Variants in TAFA1 observed in about 807,000 individuals in gnomAD.
TAFA1 encodes the protein chemokine-like protein TAFA-1.
TAFA1 carries 4 observed loss-of-function variants against 18.5 expected under a neutral mutation model. The ratio of observed to expected loss-of-function variants is 0.22; its 90% CI spans 0.11 to 0.49. The LOEUF (loss-of-function observed/expected upper bound fraction) is 0.49. Ranked by LOEUF, TAFA1 falls within the 20% of genes least tolerant of loss-of-function variation. The pLI is 0.98. For synonymous variants in TAFA1, 56 were observed against 55.2 expected (o/e 1.01, Z -0.06); for missense variants, 147 against 169.0 (o/e 0.87, Z 0.72).
At chr3:68,142,532 C>T (rs1007347589) in intron 2 of TAFA1, among the ~76,000 whole-genome samples, 1 of 152,228 alleles carries the variant, frequency 6.6e-6, no homozygotes, top group Non-Finnish European at 1.5e-5. Flanking sequence ...GGAAGCCTTT[C>T]TCCAGGTCTC....
chr3:68,312,344 A>G (rs1297444886), intron 2 of TAFA1, among the ~76,000 whole-genome samples: 3 of 152,212 alleles, frequency 2.0e-5, no homozygotes, highest in Admixed American at 6.5e-5. Flanking sequence ...TTTCTTTTCT[A>G]TCACATTGAC....
intron 2 of TAFA1, among the ~76,000 whole-genome samples, chr3:68,354,487 G>A (rs28708548): frequency 0.014 from 2,063 of 151,854 alleles, 50 homozygotes; most frequent in African/African-American, 0.047. Context: ...ACTGACAACC[G>A]CCATTACCAT....
intron 3 of TAFA1, among the ~76,000 whole-genome samples, chr3:68,422,388 C>T (rs1227606871): frequency 6.6e-6 from 1 of 152,054 alleles, no homozygotes; most frequent in Non-Finnish European, 1.5e-5. Flanking sequence ...GTTTATACAC[C>T]ACGTTTGTCC....
intron 2 of TAFA1, among the ~76,000 whole-genome samples, chr3:68,095,212 C>G (rs1334679605): frequency 6.6e-6 from 1 of 152,114 alleles, no homozygotes; most frequent in African/African-American, 2.4e-5. Context: ...CTGCCACTTA[C>G]AAGTTCTCTC....
At chr3:68,371,812 A>C (rs1211248072) in intron 2 of TAFA1, among the ~76,000 whole-genome samples, 14 of 152,192 alleles carry the variant, frequency 9.2e-5, no homozygotes, top group Admixed American at 9.2e-4. Context: ...AGAGTGTTAG[A>C]GAATGTTGAG....
At chr3:68,298,392 G>A (rs1333817407) in intron 2 of TAFA1, among the ~76,000 whole-genome samples, 5 of 152,148 alleles carry the variant, frequency 3.3e-5, no homozygotes, top group African/African-American at 1.2e-4. Flanking sequence ...TTGGGGAGGG[G>A]ACATCAAAAG....
chr3:68,477,185 ACT>A (rs1461977670), intron 3 of TAFA1, among the ~76,000 whole-genome samples: 2 of 151,726 alleles, frequency 1.3e-5, no homozygotes, highest in Non-Finnish European at 2.9e-5. Flanking sequence ...TATAGTATAT[ACT>A]CTTTTATATA....
chr3:68,518,999 C>T (rs984266279), intron 3 of TAFA1, among the ~76,000 whole-genome samples: 1 of 152,192 alleles, frequency 6.6e-6, no homozygotes, highest in Non-Finnish European at 1.5e-5. Flanking sequence ...TTCCTCCATT[C>T]CCAAACAGAA....
At chr3:68,428,918 G>A (rs1054612433) in intron 3 of TAFA1, among the ~76,000 whole-genome samples, 7 of 151,906 alleles carry the variant, frequency 4.6e-5, no homozygotes, top group Non-Finnish European at 2.9e-5. Flanking sequence ...TCTCATCAAT[G>A]TCTCCCGGGT....
chr3:68,255,622 A>G (rs1345452407), intron 2 of TAFA1, among the ~76,000 whole-genome samples: 4 of 152,154 alleles, frequency 2.6e-5, no homozygotes, highest in South Asian at 2.1e-4. Flanking sequence ...ATAGAGGATC[A>G]CTAATAGAAA....
At chr3:68,086,327 A>G (rs1011149398) in intron 2 of TAFA1, among the ~76,000 whole-genome samples, 10 of 152,200 alleles carry the variant, frequency 6.6e-5, no homozygotes, top group Admixed American at 6.5e-4. Context: ...AATACAGGGT[A>G]TCTTTAGGGC....
At chr3:68,263,446 T>TACACACACACACACACACACACACAC (rs3033685) in intron 2 of TAFA1, among the ~76,000 whole-genome samples, 4 of 137,686 alleles carry the variant, frequency 2.9e-5, no homozygotes, top group African/African-American at 1.1e-4. Context: ...CACACACACA[T>TACACACACACACACACACACACACAC]ACACACACAC....
intron 3 of TAFA1, among the ~76,000 whole-genome samples, chr3:68,450,350 A>G (rs148587403): frequency 5.4e-4 from 82 of 152,324 alleles, no homozygotes; most frequent in African/African-American, 1.9e-3. Flanking sequence ...AAGTTGGGAC[A>G]TATATTTAGC....
intron 2 of TAFA1, among the ~76,000 whole-genome samples, chr3:68,150,612 C>A (rs1244674387): frequency 6.6e-6 from 1 of 152,078 alleles, no homozygotes; most frequent in Admixed American, 6.6e-5. Flanking sequence ...TAACCAAGGC[C>A]TCATCTGAGA....
chr3:68,342,765 A>T (rs2069105563), intron 2 of TAFA1, among the ~76,000 whole-genome samples: 1 of 152,200 alleles, frequency 6.6e-6, no homozygotes, highest in African/African-American at 2.4e-5. Context: ...ATCCTTCAAG[A>T]GGCAAAGTCT....
intron 2 of TAFA1, among the ~76,000 whole-genome samples, chr3:68,248,737 G>A (rs1305933930): frequency 1.8e-4 from 24 of 134,960 alleles, no homozygotes; most frequent in Admixed American, 2.9e-4. Flanking sequence ...GGCGGGGGGC[G>A]GGGGGCGGGG....
intron 2 of TAFA1, among the ~76,000 whole-genome samples, chr3:68,063,283 T>C (rs1442789362): frequency 2.0e-5 from 3 of 152,214 alleles, no homozygotes; most frequent in Non-Finnish European, 4.4e-5. Flanking sequence ...CAGGCCCCAG[T>C]CACTGAGCTA....
chr3:68,518,269 A>G (rs567048620), intron 3 of TAFA1, among the ~76,000 whole-genome samples: 36 of 139,302 alleles, frequency 2.6e-4, no homozygotes, highest in Non-Finnish European at 3.8e-4. Flanking sequence ...GATTATTATG[A>G]GGCTTAAATT....
intron 2 of TAFA1, among the ~76,000 whole-genome samples, chr3:68,133,988 C>G (rs935370202): frequency 3.3e-5 from 5 of 150,666 alleles, no homozygotes; most frequent in African/African-American, 1.2e-4. Context: ...AGGACTGGAC[C>G]CTTGAAAAGT....
Sources: allele counts gnomAD v4.1 joint callset (sites outside exome capture counted in the v4.1 genomes callset), GRCh38; gene constraint gnomAD v4.1.1; transcripts MANE v1.5; gene names NCBI Gene and HGNC (gene_info 2026-07-23, HGNC 2026-07-21).